Variants in GART observed in about 807,000 individuals in gnomAD.
GART encodes trifunctional purine biosynthetic protein adenosine-3.
Under a neutral mutation model 107.2 loss-of-function variants are expected in GART, and 43 were observed. That is an observed-to-expected ratio of 0.40 (90% CI 0.31 to 0.52). The LOEUF (loss-of-function observed/expected upper bound fraction) is 0.52, where lower values mean the gene tolerates loss of function less well. Ranked by LOEUF, GART falls within the 20% of genes least tolerant of loss-of-function variation. The probability of loss-of-function intolerance (pLI) is 0.52; values close to 1 mark genes in which losing one functional copy is unlikely to be tolerated. For synonymous variants in GART, 434 were observed against 427.0 expected (o/e 1.02, Z -0.20); for missense variants, 1,107 against 1,206.5 (o/e 0.92, Z 1.22).
chr21:33,521,447 C>T lies in GART; in HGVS notation c.1394-432G>A, dbSNP rs997853679. 2.6e-5 allele frequency among the ~76,000 whole-genome samples: 4 copies of T among 151,738 alleles called. No individual in the cohort carries two copies. The South Asian group carries it at 6.2e-4, about 24-fold the overall frequency. On this transcript the variant is annotated intron_variant, in intron 12 of 21. Transcript: ENST00000381815. ...GAGATCGAGACCATCCTGGTTAACACAGTGAAACCCCGTCTCTACTAAAAA... is the reference window on the plus strand; with the variant it reads ...GAGATCGAGACCATCCTGGTTAACATAGTGAAACCCCGTCTCTACTAAAAA...
intron 16 of GART, among the ~76,000 whole-genome samples, 169 bp from the exon 17 acceptor site, chr21:33,511,627 C>T (rs1486349253): frequency 1.3e-5 from 2 of 152,104 alleles, no homozygotes; most frequent in East Asian, 3.8e-4. Context: ...CCATTTGTAC[C>T]TTAGACATTA....
intron 10 of GART, among the ~76,000 whole-genome samples, chr21:33,527,463 C>T (rs879674973): frequency 3.9e-5 from 6 of 151,964 alleles, no homozygotes; most frequent in Admixed American, 3.3e-4. Context: ...TACAGTGAGC[C>T]GAGATCGTGC....
At chr21:33,533,140 AT>A (rs2085225637) in intron 4 of GART, among the ~76,000 whole-genome samples, 1 of 152,204 alleles carries the variant, frequency 6.6e-6, no homozygotes, top group East Asian at 1.9e-4. Flanking sequence ...TAATTTTGAA[AT>A]TTAAAATTGC....
chr21:33,531,653 T>G, intron 5 of GART, 96 bp from the exon 6 acceptor site: 1 of 1,113,656 alleles, frequency 9.0e-7, no homozygotes. Flanking sequence ...AGCATTTGTA[T>G]TATGAACCAG....
At chr21:33,517,182 T>C in intron 15 of GART, 41 bp from the exon 16 acceptor site, 4 of 1,577,378 alleles carry the variant, frequency 2.5e-6, no homozygotes, top group Non-Finnish European at 3.4e-6. Flanking sequence ...AGCCTATGAA[T>C]AGAAAACCAA....
intron 1 of GART, 32 bp from the exon 2 acceptor site, chr21:33,539,388 G>A: frequency 6.5e-7 from 1 of 1,528,816 alleles, no homozygotes; most frequent in Non-Finnish European, 8.8e-7. Flanking sequence ...TTATATCTTA[G>A]GATGCACATT....
chr21:33,511,530 C>T (rs2084786082), intron 16 of GART, 72 bp from the exon 17 acceptor site: 1 of 1,409,748 alleles, frequency 7.1e-7, no homozygotes, highest in Non-Finnish European at 1.0e-6. Context: ...TGCACATATT[C>T]AAAGATGTGG....
At chr21:33,506,138 C>A in intron 18 of GART, 34 bp from the exon 19 acceptor site, 1 of 1,574,032 alleles carries the variant, frequency 6.4e-7, no homozygotes, top group Admixed American at 1.9e-5. Flanking sequence ...TGAGCTCATA[C>A]TACTACTTCT....
In GART at chr21:33,522,209, C is replaced by T; in HGVS notation, c.1372G>A (p.Ala458Thr). 1 of 1,613,806 alleles carries T rather than the reference C, an allele frequency of 6.2e-7. No homozygotes were observed. The highest frequency in any genetic ancestry group is 8.5e-7 in the Non-Finnish European group (1 of 1,179,846). Residue 458 changes from alanine to threonine, a missense_variant, in exon 12 of 22, where the codon GCA becomes ACA. Ala to Thr is a moderately conservative substitution (Grantham distance 58). Coordinates refer to ENST00000381815, the MANE Select transcript of GART (RefSeq NM_000819.5). ...TGACCTGATCTGGAAGTGGCTTTTG[C>T]TAAAGGCTGAATTTTCTTGACCAGC... Reference protein sequence around the residue: ...NMLVKKIQPLAKATSRSGCKV... With the variant: ...NMLVKKIQPLTKATSRSGCKV...
In GART at chr21:33,511,182, G is replaced by C. The variant is rs141124356; in HGVS notation, c.2314+70C>G. The C allele has an allele frequency of 5.3e-6, 8 of 1,521,832 alleles. No homozygotes were observed. The East Asian group carries it at 1.8e-4, about 34-fold the overall frequency. 94.3% of individuals were successfully genotyped at this position (1,521,832 alleles called of 1,614,324 possible). On this transcript the variant is annotated intron_variant, in intron 17 of 21. Transcript: ENST00000381815. ...AAAAGGTGGGCAGAAAGCTTGTGAG[G>C]CAAGGCTGAGGTATAGCTAAAATTA... is the stretch of plus-strand genomic sequence containing the variant.
intron 16 of GART, among the ~76,000 whole-genome samples, chr21:33,515,323 T>C (rs1269156936): frequency 6.6e-6 from 1 of 152,178 alleles, no homozygotes; most frequent in Non-Finnish European, 1.5e-5. Flanking sequence ...CTGGAAAAGT[T>C]TCTCTGACTT....
At position 33,521,007 on chromosome 21, in the gene GART, C is replaced by A; in HGVS notation, c.1402G>T (p.Val468Phe). The A allele has an allele frequency of 6.2e-7, 1 of 1,612,180 alleles. No individual in the cohort carries two copies. Among genetic ancestry groups the A allele is most frequent in the Non-Finnish European group, 8.5e-7 (1 of 1,178,888 alleles). Residue 468 changes from valine (V) to phenylalanine (F), a missense_variant, in exon 13 of 22, where the codon GTT (valine) becomes TTT (phenylalanine). Val to Phe is a conservative substitution (Grantham distance 50). Transcript: ENST00000381815. ...AGACCAGCAAAACCTCCAAGATCAA[C>A]TTTACAGCCTGTTGGAGAGGAAATT... ...AKATSRSGCK[V>F]DLGGFAGLFD...
Position 33,539,267 on chromosome 21 carries a change from G to A in GART, c.49C>T (p.Leu17=), listed in dbSNP as rs1351068935. The A allele has an allele frequency of 1.2e-6, 2 of 1,614,016 alleles. No individual in the cohort carries two copies. Among genetic ancestry groups the A allele is most frequent in the Non-Finnish European group, 1.7e-6 (2 of 1,179,996 alleles). Residue 17 remains leucine (L), a synonymous_variant, in exon 2 of 22, where the codon CTG becomes TTG. Coordinates refer to ENST00000381815, the MANE Select transcript of GART (RefSeq NM_000819.5). The stretch of plus-strand genomic sequence containing the variant: ...TGAGACTGTGCAAGTTTCCAGGCCA[G>A]CGTATGTTCCCTTCCTCCACTGCCA... ...IIGSGGREHT[L]AWKLAQSHHV...
At chr21:33,514,105 A>G (rs976817218) in intron 16 of GART, among the ~76,000 whole-genome samples, 68 of 152,098 alleles carry the variant, frequency 4.5e-4, no homozygotes, top group Non-Finnish European at 1.2e-4. Context: ...CGTCTCTACT[A>G]AAAATACAAA....
At chr21:33,520,242 T>C (rs2084945751) in intron 14 of GART, 122 bp downstream of exon 14, 4 of 767,514 alleles carry the variant, frequency 5.2e-6, no homozygotes, top group African/African-American at 1.8e-5. Context: ...GCATATCACA[T>C]ATATGCATCT....
chr21:33,539,343 A>C lies in GART; in HGVS notation c.-28T>G. 6 of 1,589,310 alleles carry C rather than the reference A, an allele frequency of 3.8e-6. No individual in the cohort carries two copies. The highest frequency in any genetic ancestry group is 5.1e-6 in the Non-Finnish European group (6 of 1,172,778). On this transcript the variant is annotated 5_prime_UTR_variant, in exon 2 of 22. Coordinates refer to ENST00000381815, the MANE Select transcript of GART (RefSeq NM_000819.5). ...TTCTGTCTGTAAAGCAGAAATTCCA[A>C]AGGAAAATGAAACCTGCAGAAAGAA...
intron 16 of GART, among the ~76,000 whole-genome samples, chr21:33,513,573 A>C (rs2084828237): frequency 6.6e-6 from 1 of 152,132 alleles, no homozygotes; most frequent in African/African-American, 2.4e-5. Context: ...CTGTCTAAAA[A>C]AATAAAAATA....
In GART at chr21:33,522,292, T is replaced by A; in HGVS notation, c.1299-10A>T. 6.4e-7 allele frequency: 1 copy of A among 1,573,454 alleles called. No homozygotes were observed. The highest frequency in any genetic ancestry group is 8.7e-7 in the Non-Finnish European group (1 of 1,143,510). The stretch of plus-strand genomic sequence containing the variant: ...CTTGTAAGTCAAACTCCTAAAGAAT[T>A]AAAAACAAGTCATCACCTAAACGTC... On this transcript the variant is annotated splice_polypyrimidine_tract_variant and intron_variant, in intron 11 of 21. Coordinates refer to ENST00000381815, the MANE Select transcript of GART (RefSeq NM_000819.5).
chr21:33,534,744 C>T lies in GART; in HGVS notation c.251G>A (p.Gly84Glu). The T allele has an allele frequency of 1.3e-6, 2 of 1,580,554 alleles. No homozygotes were observed. Among genetic ancestry groups the T allele is most frequent in the Middle Eastern group, 1.7e-4 (1 of 5,828 alleles). ...PEAPLAAGIV[G>E]NLRSAGVQCF... ...TTGCACTCCTGCAGACCTCAGGTTC[C>T]CAACAATCCCTATTGATGAAAACAG... is the stretch of plus-strand genomic sequence containing the variant. Residue 84 changes from glycine (G) to glutamate (E), a missense_variant, in exon 4 of 22, where the codon GGG (glycine) becomes GAG (glutamate). By Grantham distance (98) the Gly-to-Glu change is moderately conservative. Transcript: ENST00000381815.
Sources: allele counts gnomAD v4.1 joint callset (sites outside exome capture counted in the v4.1 genomes callset), GRCh38; gene constraint gnomAD v4.1.1; transcripts MANE v1.5; gene names NCBI Gene and HGNC (gene_info 2026-07-23, HGNC 2026-07-21).